SPATA16: variants seen among roughly 807,000 people sequenced by gnomAD.
SPATA16 encodes the protein spermatogenesis associated 16.
A neutral mutation model predicts 63.3 loss-of-function variants in SPATA16; 36 were observed. The observed-to-expected ratio is 0.57, with a 90% CI of 0.44 to 0.75. SPATA16 has a LOEUF of 0.75. Ranked by LOEUF, SPATA16 falls within the 30% of genes least tolerant of loss-of-function variation. SPATA16 has a pLI of 0.00. For synonymous variants in SPATA16, 203 were observed against 216.7 expected (o/e 0.94, Z 0.56); for missense variants, 646 against 679.3 (o/e 0.95, Z 0.54).
chr3:172,949,401 C>T (rs899565355), intron 6 of SPATA16, among the ~76,000 whole-genome samples: 9 of 151,872 alleles, frequency 5.9e-5, no homozygotes, highest in African/African-American at 2.2e-4. Flanking sequence ...GCTGAATATA[C>T]AAAGAAAAAA....
chr3:173,038,531 A>G (rs916337547), intron 3 of SPATA16, among the ~76,000 whole-genome samples: 2 of 151,974 alleles, frequency 1.3e-5, no homozygotes, highest in East Asian at 3.9e-4. Context: ...AGAATTTCTC[A>G]GTTTTAGTGT....
chr3:173,107,003 A>G (rs1737636520), intron 2 of SPATA16, among the ~76,000 whole-genome samples: 1 of 152,220 alleles, frequency 6.6e-6, no homozygotes, highest in Non-Finnish European at 1.5e-5. Flanking sequence ...TATTGTGTAT[A>G]TCATAGACTC....
intron 1 of SPATA16, among the ~76,000 whole-genome samples, chr3:173,126,899 A>T (rs114713926): frequency 5.3e-5 from 8 of 152,210 alleles, no homozygotes; most frequent in Non-Finnish European, 1.5e-5. Context: ...TGGACAGTTC[A>T]GTGCTTTGTT....
chr3:172,956,984 A>G (rs1733612194), intron 5 of SPATA16, among the ~76,000 whole-genome samples, 160 bp from the exon 6 acceptor site: 1 of 152,188 alleles, frequency 6.6e-6, no homozygotes, highest in African/African-American at 2.4e-5. Context: ...CAAAATTTTA[A>G]TTAGTTCTGG....
chr3:173,139,856 G>GCA (rs879729420), intron 1 of SPATA16, among the ~76,000 whole-genome samples: 29,925 of 151,890 alleles, frequency 0.2, 3,085 homozygotes, highest in Middle Eastern at 0.27. Context: ...GTGGTGGCGT[G>GCA]TGCTTGTAAT....
At chr3:173,010,231 T>G (rs948613220) in intron 4 of SPATA16, among the ~76,000 whole-genome samples, 11 of 152,190 alleles carry the variant, frequency 7.2e-5, no homozygotes, top group Non-Finnish European at 1.6e-4. Context: ...CTACCGTGAT[T>G]GCCAAGGCCA....
intron 10 of SPATA16, among the ~76,000 whole-genome samples, chr3:172,907,860 G>A (rs1387219255): frequency 1.3e-5 from 2 of 152,114 alleles, no homozygotes; most frequent in African/African-American, 2.4e-5. Flanking sequence ...TTACAGACGT[G>A]AGCCACCGTG....
At chr3:173,059,800 C>T (rs1444132752) in intron 2 of SPATA16, among the ~76,000 whole-genome samples, 1 of 143,790 alleles carries the variant, frequency 7.0e-6, no homozygotes, top group African/African-American at 2.6e-5. Context: ...AAATGAACTC[C>T]TCTGGATAAA....
intron 4 of SPATA16, among the ~76,000 whole-genome samples, chr3:173,005,498 CAAAGAA>C (rs939123361): frequency 1.3e-5 from 2 of 151,954 alleles, no homozygotes; most frequent in African/African-American, 4.8e-5. Context: ...TGGATCTAAG[CAAAGAA>C]AAAGTATCTT....
chr3:172,957,995 C>CTAT, intron 5 of SPATA16, among the ~76,000 whole-genome samples: 1 of 149,304 alleles, frequency 6.7e-6, no homozygotes, highest in South Asian at 2.1e-4. Flanking sequence ...CTGAGACTAG[C>CTAT]TTAAAATTAT....
chr3:173,012,970 T>G (rs912667423), intron 4 of SPATA16, among the ~76,000 whole-genome samples: 4 of 152,068 alleles, frequency 2.6e-5, no homozygotes, highest in Non-Finnish European at 5.9e-5. Flanking sequence ...CCATCAACAG[T>G]GTAAACAGGC....
chr3:172,936,205 T>A (rs1189318951), intron 6 of SPATA16, among the ~76,000 whole-genome samples: 1 of 152,142 alleles, frequency 6.6e-6, no homozygotes, highest in African/African-American at 2.4e-5. Context: ...TATAATAGCT[T>A]CAGGATGGGG....
intron 4 of SPATA16, among the ~76,000 whole-genome samples, chr3:173,001,403 A>C (rs1734825586): frequency 6.6e-6 from 1 of 151,894 alleles, no homozygotes; most frequent in African/African-American, 2.4e-5. Context: ...GTTTCTCCTG[A>C]GGGCAGGCCT....
Position 172,961,069 on chromosome 3 carries a change from T to TCTTCCTTTCTTCCTTTCTTC in SPATA16, c.934-4246_934-4245insGAAGAAAGGAAGAAAGGAAG, listed in dbSNP as rs1560080344. On this transcript the variant is annotated intron_variant, in intron 5 of 10. Coordinates refer to ENST00000351008, the MANE Select transcript of SPATA16 (RefSeq NM_031955.6). Reference sequence around the variant, plus strand: ...CTTTCTTCTTTCTTTCTTTCTTCTTTCTTCCTTCCTTCCTTCCTTCCTTCC... The same window carrying TCTTCCTTTCTTCCTTTCTTC: ...CTTTCTTCTTTCTTTCTTTCTTCTTTCTTCCTTTCTTCCTTTCTTCCTTCCTTCCTTCCTTCCTTCCTTCC... Among the ~76,000 whole-genome samples, 579 of 72,380 alleles carry TCTTCCTTTCTTCCTTTCTTC rather than the reference T, an allele frequency of 8.0e-3. 43 individuals are homozygous for TCTTCCTTTCTTCCTTTCTTC. Among genetic ancestry groups the TCTTCCTTTCTTCCTTTCTTC allele is most frequent in the African/African-American group, 0.033 (533 of 15,978 alleles). The allele number at this position is 72,380 out of a possible 152,430, so 47.5% of individuals were successfully genotyped here.
chr3:172,999,347 T>C (rs1734763625), intron 4 of SPATA16, among the ~76,000 whole-genome samples: 1 of 152,198 alleles, frequency 6.6e-6, no homozygotes, highest in South Asian at 2.1e-4. Flanking sequence ...AATATTACTT[T>C]ATTATACTTT....
intron 10 of SPATA16, among the ~76,000 whole-genome samples, chr3:172,901,100 G>T (rs890234905): frequency 6.6e-6 from 1 of 151,394 alleles, no homozygotes; most frequent in Admixed American, 6.6e-5. Flanking sequence ...TTTTCTCTTT[G>T]TTGATACTTT....
At chr3:173,027,992 TCCC>T (rs1735492809) in intron 3 of SPATA16, among the ~76,000 whole-genome samples, 1 of 16,930 alleles carries the variant, frequency 5.9e-5, no homozygotes, top group Admixed American at 6.9e-4. Flanking sequence ...CCTCCCTCCC[TCCC>T]TCCCTCCCTC....
At chr3:173,062,044 A>ATTTTTTTTTTTTTTTTTTTTTTTTTTT (rs10618031) in intron 2 of SPATA16, among the ~76,000 whole-genome samples, 4 of 115,538 alleles carry the variant, frequency 3.5e-5, no homozygotes, top group Non-Finnish European at 5.1e-5. Context: ...GTGCTTCAAC[A>ATTTTTTTTTTTTTTTTTTTTTTTTTTT]TTTTTTTTTT....
chr3:173,064,135 G>A (rs1257318984), intron 2 of SPATA16, among the ~76,000 whole-genome samples: 1 of 151,924 alleles, frequency 6.6e-6, no homozygotes, highest in Non-Finnish European at 1.5e-5. Flanking sequence ...GTGAAACACT[G>A]TCTCTACTAA....
Sources: allele counts gnomAD v4.1 joint callset (sites outside exome capture counted in the v4.1 genomes callset), GRCh38; gene constraint gnomAD v4.1.1; transcripts MANE v1.5; gene names NCBI Gene and HGNC (gene_info 2026-07-23, HGNC 2026-07-21).